ZNF66: variants seen among roughly 807,000 people sequenced by gnomAD.
ZNF66 encodes the protein putative zinc finger protein 66.
Under a neutral mutation model 35.2 loss-of-function variants are expected in ZNF66, and 32 were observed. That is an observed-to-expected ratio of 0.91 (90% CI 0.69 to 1.22). The LOEUF (loss-of-function observed/expected upper bound fraction) is 1.22. Ranked by LOEUF, ZNF66 falls within the 50% of genes most tolerant of loss-of-function variation. ZNF66 has a pLI of 0.00. For missense variants in ZNF66, 666 were observed against 543.1 expected, an observed-to-expected ratio of 1.23 and a Z score of -2.25; for synonymous variants, 231 against 181.3, an observed-to-expected ratio of 1.27 and a Z score of -2.20.
chr19:20,803,548 C>T (rs1971471497), intron 3 of ZNF66, among the ~76,000 whole-genome samples: 1 of 151,954 alleles, frequency 6.6e-6, no homozygotes, highest in South Asian at 2.1e-4. Flanking sequence ...TTTGTATATT[C>T]ATTAACATGT....
intron 1 of ZNF66, among the ~76,000 whole-genome samples, chr19:20,783,124 T>C (rs1971259082): frequency 6.6e-6 from 1 of 152,194 alleles, no homozygotes; most frequent in African/African-American, 2.4e-5. Context: ...GCTGCATTCC[T>C]CTTGTCAGCT....
chr19:20,776,390 T>G lies in ZNF66; in HGVS notation c.-58T>G. 1.9e-6 allele frequency: 3 copies of G among 1,539,594 alleles called. No individual in the cohort carries two copies. The highest frequency in any genetic ancestry group is 1.7e-5 in the Admixed American group (1 of 59,646). On this transcript the variant is annotated 5_prime_UTR_variant, in exon 1 of 4. Transcript: ENST00000344519. ...GAGGCCCAGCCTCTGTGGCCCTGTG[T>G]CCTGCAGGTATTGGGAGATCCACAG...
chr19:20,800,611 G>A (rs1971439053), intron 3 of ZNF66, among the ~76,000 whole-genome samples: 1 of 152,068 alleles, frequency 6.6e-6, no homozygotes, highest in Non-Finnish European at 1.5e-5. Context: ...ATAAGAGCTG[G>A]TTCATTAAAA....
chr19:20,784,167 A>T (rs751891450), intron 1 of ZNF66, among the ~76,000 whole-genome samples: 1 of 152,168 alleles, frequency 6.6e-6, no homozygotes, highest in Admixed American at 6.6e-5. Flanking sequence ...CTACAATATT[A>T]TGAATATAAA....
At chr19:20,778,090 A>G (rs978025822) in intron 1 of ZNF66, among the ~76,000 whole-genome samples, 1 of 152,224 alleles carries the variant, frequency 6.6e-6, no homozygotes, top group South Asian at 2.1e-4. Context: ...ATTTTTTACT[A>G]CATTATTTTA....
intron 3 of ZNF66, among the ~76,000 whole-genome samples, chr19:20,801,094 A>C (rs1971443356): frequency 6.6e-6 from 1 of 152,116 alleles, no homozygotes; most frequent in Admixed American, 6.5e-5. Context: ...AATATCAGTC[A>C]TTGTCCCATG....
intron 3 of ZNF66, among the ~76,000 whole-genome samples, chr19:20,802,328 TATTA>T (rs1319714208): frequency 2.0e-5 from 3 of 152,188 alleles, no homozygotes; most frequent in East Asian, 3.8e-4. Flanking sequence ...ATCTTCACAA[TATTA>T]ATTATTTCTT....
chr19:20,805,891 A>G lies in ZNF66; in HGVS notation c.291A>G (p.Lys97=). 1.5e-6 allele frequency: 1 copy of G among 657,882 alleles called. No homozygotes were observed. The highest frequency in any genetic ancestry group is 2.5e-5 in the East Asian group (1 of 39,510). 40.8% of individuals were successfully genotyped at this position (657,882 alleles called of 1,614,324 possible). A position where few individuals can be genotyped will look rare whatever the true frequency, so the allele number is the denominator to read the frequency against. ...AGAGCATAAAAGATTCTTTCCAAAA[A>G]CTGATACTGAGAAGGCATAAAAAAT... ...PEQSIKDSFQ[K]LILRRHKKCG... The change falls in exon 4 of 4, where the codon AAA becomes AAG. Residue 97 remains lysine (K), a synonymous_variant. Transcript: ENST00000344519.
In ZNF66 at chr19:20,807,206, C is replaced by T. The variant is rs755769890; in HGVS notation, c.1606C>T (p.Pro536Ser). The change falls in exon 4 of 4, where the codon CCA becomes TCA. Residue 536 changes from proline to serine, a missense_variant. Transcript: ENST00000344519. ...RHKKIHTGGKPHKCNKCGKAF... is the reference protein window; with the variant it reads ...RHKKIHTGGKSHKCNKCGKAF... ...TAAGAAAATTCATACTGGAGGGAAA[C>T]CACACAAGTGCAATAAATGTGGCAA... 1 of 735,684 alleles carries T rather than the reference C, an allele frequency of 1.4e-6. No individual in the cohort carries two copies. Among genetic ancestry groups the T allele is most frequent in the South Asian group, 1.6e-5 (1 of 61,720 alleles). The allele number at this position is 735,684 out of a possible 1,614,324, so 45.6% of individuals were successfully genotyped here. A position where few individuals can be genotyped will look rare whatever the true frequency, so the allele number is the denominator to read the frequency against.
chr19:20,803,816 C>T (rs1454070889), intron 3 of ZNF66, among the ~76,000 whole-genome samples: 1 of 152,090 alleles, frequency 6.6e-6, no homozygotes, highest in Non-Finnish European at 1.5e-5. Context: ...TTTGGAAGTG[C>T]TTCTTTCTAT....
At chr19:20,783,944 C>T (rs1471891583) in intron 1 of ZNF66, among the ~76,000 whole-genome samples, 4 of 152,196 alleles carry the variant, frequency 2.6e-5, no homozygotes, top group African/African-American at 9.6e-5. Flanking sequence ...GCAACTGCTG[C>T]CTCCCAGATT....
chr19:20,801,499 A>G (rs891733177), intron 3 of ZNF66, among the ~76,000 whole-genome samples: 30 of 151,982 alleles, frequency 2.0e-4, no homozygotes, highest in African/African-American at 7.0e-4. Context: ...ACATGCCACC[A>G]CACCTGGCTA....
In ZNF66 at chr19:20,805,150, A is replaced by AGT. The variant is rs1366240099; in HGVS notation, c.227-676_227-675dup. 8.6e-5 allele frequency among the ~76,000 whole-genome samples: 13 copies of AGT among 151,262 alleles called. No individual in the cohort carries two copies. The South Asian group carries it at 1.5e-3, about 17-fold the overall frequency. On this transcript the variant is annotated intron_variant, in intron 3 of 3. Transcript: ENST00000344519. ...GTGAGAGAGAGAGAGAGAGAGAGAG[A>AGT]GTCTCGCCCTGTTACCTATGCTGTA...
At chr19:20,794,008 G>GT (rs1971368426) in intron 3 of ZNF66, 130 bp downstream of exon 3, 1 of 536,590 alleles carries the variant, frequency 1.9e-6, no homozygotes, top group Non-Finnish European at 3.3e-6. Flanking sequence ...TGTTTTTTTT[G>GT]TTTTTTGTTT....
rs752355466 is a variant in ZNF66, at chr19:20,805,126, T to TGTGTGTGTGTGAGA, written c.227-700_227-699insTGTGTGTGTGAGAG. Among the ~76,000 whole-genome samples the TGTGTGTGTGTGAGA allele has an allele frequency of 5.7e-3, 833 of 146,036 alleles. 11 individuals carry two copies. The highest frequency in any genetic ancestry group is 0.02 in the African/African-American group (795 of 39,490). ...TTACATTTGTGTGTGTGTGTGTGTG[T>TGTGTGTGTGTGAGA]GAGAGAGAGAGAGAGAGAGAGAGAG... On this transcript the variant is annotated intron_variant, in intron 3 of 3. Transcript: ENST00000344519.
intron 3 of ZNF66, among the ~76,000 whole-genome samples, chr19:20,804,694 C>T (rs1971482978): frequency 6.6e-6 from 1 of 152,092 alleles, no homozygotes. Context: ...CAAAAAGCTA[C>T]CTGTTAGAAT....
chr19:20,781,187 C>T (rs879790711), intron 1 of ZNF66, among the ~76,000 whole-genome samples: 42 of 152,154 alleles, frequency 2.8e-4, no homozygotes, highest in Non-Finnish European at 5.1e-4. Flanking sequence ...AAAAATCAGT[C>T]CTCTCACCTG....
At chr19:20,799,391 A>G (rs1483602215) in intron 3 of ZNF66, 1 of 152,082 alleles carries the variant, frequency 6.6e-6, no homozygotes, top group East Asian at 1.9e-4. Context: ...ATAGATTTAT[A>G]AATGAGGAAT....
At chr19:20,795,132 C>T (rs1235281405) in intron 3 of ZNF66, among the ~76,000 whole-genome samples, 2 of 152,034 alleles carry the variant, frequency 1.3e-5, no homozygotes, top group African/African-American at 2.4e-5. Context: ...GCCTCTGCCT[C>T]CCAAAATGTT....
Sources: allele counts gnomAD v4.1 joint callset (sites outside exome capture counted in the v4.1 genomes callset), GRCh38; gene constraint gnomAD v4.1.1; transcripts MANE v1.5; gene names NCBI Gene and HGNC (gene_info 2026-07-23, HGNC 2026-07-21).